Variants in ENTR1 observed in about 807,000 individuals in gnomAD.
ENTR1 encodes the protein endosome-associated-trafficking regulator 1.
ENTR1 carries 47 observed loss-of-function variants against 47.9 expected under a neutral mutation model. That is an observed-to-expected ratio of 0.98 (90% CI 0.78 to 1.25). The LOEUF (loss-of-function observed/expected upper bound fraction) is 1.25. Ranked by LOEUF, ENTR1 falls within the 50% of genes most tolerant of loss-of-function variation. ENTR1 has a pLI of 0.00. For missense variants in ENTR1, 668 were observed against 570.5 expected (o/e 1.17, Z -1.74); for synonymous variants, 290 against 245.8 (o/e 1.18, Z -1.68).
chr9:136,405,086 C>T lies in ENTR1; in HGVS notation c.1005+5G>A, dbSNP rs774743845. 2 of 1,610,200 alleles carry T rather than the reference C, an allele frequency of 1.2e-6. No individual in the cohort carries two copies. The highest frequency in any genetic ancestry group is 1.7e-5 in the Admixed American group (1 of 60,024). ...GCTCGTCCGATTCAGAGAAGAAACC[C>T]ATACGGTCATCAGCTCCAGGTTCTG... is the stretch of plus-strand genomic sequence containing the variant. On this transcript the variant is annotated splice_donor_5th_base_variant and intron_variant, in intron 7 of 9. Coordinates refer to ENST00000357365, the MANE Select transcript of ENTR1 (RefSeq NM_001039707.2).
At chr9:136,408,740 C>T (rs963475829) in intron 3 of ENTR1, among the ~76,000 whole-genome samples, 20 of 152,184 alleles carry the variant, frequency 1.3e-4, no homozygotes, top group African/African-American at 1.9e-4. Context: ...CTTAAGCAGC[C>T]ACACTCGACC....
chr9:136,410,414 G>T lies in ENTR1; in HGVS notation c.-17C>A. On this transcript the variant is annotated 5_prime_UTR_variant, in exon 1 of 10. Transcript: ENST00000357365. ...GCCCGACATCGCCGCCGGCCCGGCGGGGCACGACCTGCCTAGCCCGGCAGC... is the reference window on the plus strand; with the variant it reads ...GCCCGACATCGCCGCCGGCCCGGCGTGGCACGACCTGCCTAGCCCGGCAGC... 7.5e-7 allele frequency: 1 copy of T among 1,341,560 alleles called. No individual in the cohort carries two copies. The highest frequency in any genetic ancestry group is 1.6e-5 in the African/African-American group (1 of 64,024). 83.1% of individuals were successfully genotyped at this position (1,341,560 alleles called of 1,614,324 possible).
At position 136,409,998 on chromosome 9, in the gene ENTR1, T is replaced by G. The variant is rs775159511; in HGVS notation, c.220+92A>C. On this transcript the variant is annotated intron_variant, in intron 2 of 9. Transcript: ENST00000357365. ...ACGCAGTGAGCGCTCTGCACATTGA[T>G]GGGTCAATGGACGAGCTCGTGCTGC... The G allele has an allele frequency of 6.2e-6, 9 of 1,451,690 alleles. No individual in the cohort carries two copies. The African/African-American group carries it at 8.3e-5, about 13-fold the overall frequency. 89.9% of individuals were successfully genotyped at this position (1,451,690 alleles called of 1,614,324 possible). A position where few individuals can be genotyped will look rare whatever the true frequency, so the allele number is the denominator to read the frequency against.
Position 136,410,227 on chromosome 9 carries a change from T to TA in ENTR1, c.82dup (p.Tyr28LeufsTer2), listed in dbSNP as rs1564415276. 1 of 1,582,140 alleles carries TA rather than the reference T, an allele frequency of 6.3e-7. No homozygotes were observed. The highest frequency in any genetic ancestry group is 8.6e-7 in the Non-Finnish European group (1 of 1,165,390). Reference sequence around the variant, plus strand: ...CTGGGGGAGACAAGACCGGCGCTCATAGAACGCTGGAGCTGGAAGCAACGA... The same window carrying TA: ...CTGGGGGAGACAAGACCGGCGCTCATAAGAACGCTGGAGCTGGAAGCAACGA... On this transcript the variant is annotated frameshift_variant, in exon 2 of 10. Transcript: ENST00000357365. LOFTEE classifies it high-confidence loss of function.
At position 136,410,608 on chromosome 9, in the gene ENTR1, G is replaced by T; in HGVS notation, c.-211C>A. The T allele has an allele frequency of 2.3e-6, 3 of 1,297,284 alleles. No individual in the cohort carries two copies. Among genetic ancestry groups the T allele is most frequent in the South Asian group, 2.6e-5 (1 of 38,756 alleles). 80.4% of individuals were successfully genotyped at this position (1,297,284 alleles called of 1,614,324 possible). On this transcript the variant is annotated 5_prime_UTR_variant, in exon 1 of 10. Transcript: ENST00000357365. ...CCTGAACGCCTTGGGCCGTCGGCGA[G>T]GGGGAGGGGAAGCCGTGGGCGGAAG...
chr9:136,408,972 G>A (rs1479234781), intron 3 of ENTR1, 27 bp downstream of exon 3: 4 of 1,598,426 alleles, frequency 2.5e-6, no homozygotes, highest in Non-Finnish European at 3.4e-6. Context: ...ATGGAGACAA[G>A]AAGAAAAGGT....
chr9:136,409,673 A>T (rs752150302), intron 2 of ENTR1, among the ~76,000 whole-genome samples: 1 of 151,774 alleles, frequency 6.6e-6, no homozygotes, highest in Non-Finnish European at 1.5e-5. Context: ...ATAACCACAC[A>T]AACACTCCTG....
In ENTR1 at chr9:136,407,232, C is replaced by T. The variant is rs781240459; in HGVS notation, c.732G>A (p.Pro244=). The T allele has an allele frequency of 1.4e-4, 232 of 1,613,100 alleles. No homozygotes were observed. The East Asian group carries it at 3.0e-3, about 21-fold the overall frequency. Residue 244 remains proline (P), a synonymous_variant, in exon 5 of 10, where the codon CCG becomes CCA. Transcript: ENST00000357365. Reference sequence around the variant, plus strand: ...CAAAGTCTGCGCTAGGACTCCCTGCCGGAGAGGCCGGAGACACGCGAGAAT... The same window carrying T: ...CAAAGTCTGCGCTAGGACTCCCTGCTGGAGAGGCCGGAGACACGCGAGAAT... ...DTDSRVSPAS[P]AGSPSADFAV...
In ENTR1 at chr9:136,407,369, C is replaced by T. The variant is rs528599672; in HGVS notation, c.595G>A (p.Glu199Lys). ...GGCGACGTGCCGGCAGGGACCCTCT[C>T]GGGGTGAGTCTGCTCGATGGCGGAC... Reference protein sequence around the residue: ...LPSAIEQTHPERVPAGTSPCS... With the variant: ...LPSAIEQTHPKRVPAGTSPCS... Residue 199 changes from glutamate (E) to lysine (K), a missense_variant, in exon 5 of 10, where the codon GAG (glutamate) becomes AAG (lysine). Glu to Lys is a moderately conservative substitution (Grantham distance 56). Transcript: ENST00000357365. 9 of 1,607,180 alleles carry T rather than the reference C, an allele frequency of 5.6e-6. No individual in the cohort carries two copies. The highest frequency in any genetic ancestry group is 4.4e-5 in the South Asian group (4 of 90,204).
chr9:136,405,115 C>T lies in ENTR1; in HGVS notation c.981G>A (p.Val327=), dbSNP rs1414625695. The T allele has an allele frequency of 1.9e-6, 3 of 1,613,516 alleles. No individual in the cohort carries two copies. The highest frequency in any genetic ancestry group is 2.2e-5 in the East Asian group (1 of 44,882). ...CGGTCATCAGCTCCAGGTTCTGCTC[C>T]ACCTGCTGAACCACCGACTCCAGGT... The part of the protein sequence containing the change: ...YHDLESVVQQ[V]EQNLELMTKR... The change falls in exon 7 of 10, where the codon GTG becomes GTA. Residue 327 remains valine, a synonymous_variant. Coordinates refer to ENST00000357365, the MANE Select transcript of ENTR1 (RefSeq NM_001039707.2).
At chr9:136,404,738 C>T (rs548810422) in intron 7 of ENTR1, 45 bp from the exon 8 acceptor site, 2 of 1,600,250 alleles carry the variant, frequency 1.2e-6, no homozygotes, top group South Asian at 1.1e-5. Context: ...CACTGATGTC[C>T]TCACATTCAT....
intron 2 of ENTR1, 104 bp from the exon 3 acceptor site, chr9:136,409,171 C>T: frequency 1.1e-6 from 1 of 914,794 alleles, no homozygotes. Context: ...GTGGTTCTCA[C>T]AGTCTAGAGA....
At chr9:136,404,793 T>C (rs1049704318) in intron 7 of ENTR1, 100 bp from the exon 8 acceptor site, 1 of 1,220,124 alleles carries the variant, frequency 8.2e-7, no homozygotes, top group African/African-American at 1.5e-5. Context: ...GCACCCAACC[T>C]GGCTGTGGCC....
chr9:136,403,463 CG>C lies in ENTR1; in HGVS notation c.1209-577del, dbSNP rs368700402. Among the ~76,000 whole-genome samples, 338 of 42,500 alleles carry C rather than the reference CG, an allele frequency of 8.0e-3. 11 individuals are homozygous for C. Among genetic ancestry groups the C allele is most frequent in the East Asian group, 0.045 (103 of 2,304 alleles). 27.9% of individuals were successfully genotyped at this position (42,500 alleles called of 152,430 possible). A position where few individuals can be genotyped will look rare whatever the true frequency, so the allele number is the denominator to read the frequency against. ...CCTGGGAGCAAGGGGTGGGGTTTGCCGGGGGAAGAAAGGGACAGGGTTCCTG... is the reference window on the plus strand; with the variant it reads ...CCTGGGAGCAAGGGGTGGGGTTTGCCGGGGAAGAAAGGGACAGGGTTCCTG... On this transcript the variant is annotated intron_variant, in intron 9 of 9. Transcript: ENST00000357365.
Position 136,407,456 on chromosome 9 carries a change from C to A in ENTR1, c.508G>T (p.Ala170Ser), listed in dbSNP as rs965880662. The A allele has an allele frequency of 1.7e-5, 27 of 1,611,036 alleles. No individual in the cohort carries two copies. The highest frequency in any genetic ancestry group is 2.1e-5 in the Non-Finnish European group (25 of 1,179,904). The part of the protein sequence containing the change: ...QQPFFEDPTG[A>S]GDLLDEEEDE... Reference sequence around the variant, plus strand: ...TCCTCCTCATCCAGGAGGTCACCAGCCCCTGTCGGATCCTCGAAAAATGGC... The same window carrying A: ...TCCTCCTCATCCAGGAGGTCACCAGACCCTGTCGGATCCTCGAAAAATGGC... Residue 170 changes from alanine (A) to serine (S), a missense_variant, in exon 5 of 10, where the codon GCT becomes TCT. Transcript: ENST00000357365.
Position 136,404,139 on chromosome 9 carries a change from G to A in ENTR1, c.1124C>T (p.Ala375Val), listed in dbSNP as rs776741490. 6.6e-5 allele frequency: 107 copies of A among 1,613,186 alleles called. No homozygotes were observed. Among genetic ancestry groups the A allele is most frequent in the South Asian group, 8.8e-5 (8 of 91,070 alleles). ...GTTCTGCTTCACCACGGTCAGGCTG[G>A]CACCCTGGCCGCACCGCAGGGCTTC... ...ENEALRCGQG[A>V]SLTVVKQNAD... The change falls in exon 9 of 10, where the codon GCC (alanine) becomes GTC (valine). Residue 375 changes from alanine to valine, a missense_variant. Transcript: ENST00000357365.
At chr9:136,407,677 G>T in intron 4 of ENTR1, 116 bp from the exon 5 acceptor site, 1 of 1,437,508 alleles carries the variant, frequency 7.0e-7, no homozygotes, top group Non-Finnish European at 9.3e-7. Flanking sequence ...CTACCGGAAG[G>T]AGCCCAGCAG....
intron 5 of ENTR1, chr9:136,406,930 A>G: frequency 1.8e-6 from 1 of 544,646 alleles, no homozygotes. Flanking sequence ...CATCCAATTC[A>G]CAGCTTCTAG....
chr9:136,407,739 A>T, intron 4 of ENTR1, 87 bp downstream of exon 4: 1 of 1,372,490 alleles, frequency 7.3e-7, no homozygotes, highest in Non-Finnish European at 1.0e-6. Flanking sequence ...GCTCTGCCAC[A>T]CTCATGCACG....
Sources: gnomAD v4.1 joint callset for allele counts (sites outside exome capture counted in the v4.1 genomes callset) on GRCh38, gnomAD v4.1.1 for gene constraint, MANE v1.5 for transcripts, NCBI Gene and HGNC (gene_info 2026-07-23, HGNC 2026-07-21) for gene names.